BID: variants seen among roughly 807,000 people sequenced by gnomAD.
The protein encoded by BID is BH3 interacting domain death agonist.
A neutral mutation model predicts 17.4 loss-of-function variants in BID; 19 were observed. The observed-to-expected ratio is 1.09, with a 90% CI of 0.76 to 1.60. The LOEUF (loss-of-function observed/expected upper bound fraction) is 1.60, where lower values mean the gene tolerates loss of function less well. Among genes scored for constraint, BID ranks in the 40% most tolerant of loss-of-function variants. The pLI is 0.00. For synonymous variants in BID, 108 were observed against 102.8 expected (o/e 1.05, Z -0.31); for missense variants, 226 against 256.0 (o/e 0.88, Z 0.80).
intron 5 of BID, 50 bp downstream of exon 5, chr22:17,737,965 GAA>G: frequency 2.5e-6 from 4 of 1,595,000 alleles, no homozygotes; most frequent in Non-Finnish European, 3.4e-6. Context: ...ACCTTCCAGA[GAA>G]AAGGGCATGG....
chr22:17,772,440 T>C (rs979776369), intron 1 of BID, among the ~76,000 whole-genome samples: 1 of 152,182 alleles, frequency 6.6e-6, no homozygotes, highest in Non-Finnish European at 1.5e-5. Flanking sequence ...ACAGGAAGCA[T>C]TTCCAGAGGC....
chr22:17,765,624 G>C (rs2061672686), intron 1 of BID, among the ~76,000 whole-genome samples: 1 of 152,194 alleles, frequency 6.6e-6, no homozygotes, highest in South Asian at 2.1e-4. Context: ...TAAACCCGTA[G>C]AAGTTTAGGG....
chr22:17,753,261 C>T (rs111332597), intron 1 of BID, among the ~76,000 whole-genome samples: 14 of 152,308 alleles, frequency 9.2e-5, no homozygotes, highest in African/African-American at 3.4e-4. Flanking sequence ...CCACCGCGCC[C>T]AGCCCCCCAA....
At chr22:17,745,082 G>A (rs1868850749) in intron 2 of BID, among the ~76,000 whole-genome samples, 1 of 152,064 alleles carries the variant, frequency 6.6e-6, no homozygotes, top group African/African-American at 2.4e-5. Flanking sequence ...ATGGAGTCTC[G>A]CTCTGTCACC....
Position 17,750,131 on chromosome 22 carries a change from G to T in BID, c.-15C>A. ...TCACAGTCCATGGCCTGGGCAGCGC[G>T]GCAGCTCCGACTCACTCCTGGTTCA... On this transcript the variant is annotated 5_prime_UTR_variant, in exon 2 of 6. Coordinates refer to ENST00000622694, the MANE Select transcript of BID (RefSeq NM_001196.4). 6.2e-7 allele frequency: 1 copy of T among 1,613,338 alleles called. No individual in the cohort carries two copies. Among genetic ancestry groups the T allele is most frequent in the East Asian group, 2.2e-5 (1 of 44,872 alleles).
chr22:17,739,553 A>G (rs966464961), intron 3 of BID, 65 bp from the exon 4 acceptor site: 1 of 1,556,042 alleles, frequency 6.4e-7, no homozygotes, highest in Admixed American at 1.7e-5. Flanking sequence ...ACCCTCTCCC[A>G]CACCACCCTG....
intron 1 of BID, among the ~76,000 whole-genome samples, chr22:17,766,222 C>T (rs928103242): frequency 2.0e-5 from 3 of 151,846 alleles, no homozygotes; most frequent in African/African-American, 7.3e-5. Flanking sequence ...CTGCACCTGG[C>T]CTGAACTTAA....
intron 1 of BID, among the ~76,000 whole-genome samples, chr22:17,751,474 T>TGTGTGTGC (rs201482241): frequency 2.0e-5 from 3 of 151,886 alleles, no homozygotes; most frequent in African/African-American, 7.3e-5. Context: ...TGTGTGTGTG[T>TGTGTGTGC]GCGTGTGTGT....
At chr22:17,770,660 G>A (rs949652167) in intron 1 of BID, among the ~76,000 whole-genome samples, 13 of 152,264 alleles carry the variant, frequency 8.5e-5, no homozygotes, top group African/African-American at 2.9e-4. Context: ...CCGTGACGGC[G>A]GCGGGGAGGT....
At chr22:17,752,868 T>C (rs986024422) in intron 1 of BID, among the ~76,000 whole-genome samples, 1 of 151,742 alleles carries the variant, frequency 6.6e-6, no homozygotes, top group East Asian at 1.9e-4. Context: ...GGTTTCACCG[T>C]GTTAGCCAGG....
In BID at chr22:17,741,930, C is replaced by T. The variant is rs116764508; in HGVS notation, c.223+1873G>A. On this transcript the variant is annotated intron_variant, in intron 3 of 5. Transcript: ENST00000622694. Reference sequence around the variant, plus strand: ...CCTGATTCCCTGCAGAGCAGAGCACCCAGCTCCTCCAGCACCTCATCACTC... The same window carrying T: ...CCTGATTCCCTGCAGAGCAGAGCACTCAGCTCCTCCAGCACCTCATCACTC... 3.7e-3 allele frequency among the ~76,000 whole-genome samples: 571 copies of T among 152,340 alleles called. 4 individuals are homozygous for T. The highest frequency in any genetic ancestry group is 0.013 in the African/African-American group (542 of 41,570).
intron 3 of BID, chr22:17,740,105 C>T (rs1277414607): frequency 3.4e-6 from 4 of 1,165,140 alleles, no homozygotes; most frequent in African/African-American, 3.4e-5. Flanking sequence ...CCATGAAGGC[C>T]ACGCTCAACT....
intron 4 of BID, among the ~76,000 whole-genome samples, chr22:17,738,597 G>T (rs1192315434): frequency 6.6e-6 from 1 of 152,096 alleles, no homozygotes; most frequent in African/African-American, 2.4e-5. Flanking sequence ...CAGGAGGAAG[G>T]GGGTTCCTGG....
At chr22:17,763,448 T>TGG (rs1569052160) in intron 1 of BID, among the ~76,000 whole-genome samples, 1 of 152,174 alleles carries the variant, frequency 6.6e-6, no homozygotes, top group African/African-American at 2.4e-5. Flanking sequence ...TCCTCCGTGC[T>TGG]GGTCAAGCTG....
intron 5 of BID, among the ~76,000 whole-genome samples, chr22:17,737,492 G>GT (rs2061428590): frequency 6.6e-6 from 1 of 152,030 alleles, no homozygotes; most frequent in African/African-American, 2.4e-5. Flanking sequence ...GACTACAGGT[G>GT]TGCGCCACCA....
In BID at chr22:17,747,958, C is replaced by T. The variant is rs79153846; in HGVS notation, c.12+2147G>A. Among the ~76,000 whole-genome samples the T allele has an allele frequency of 4.6e-5, 7 of 152,204 alleles. 1 individual carries two copies. The highest frequency in any genetic ancestry group is 1.7e-4 in the African/African-American group (7 of 41,552). On this transcript the variant is annotated intron_variant, in intron 2 of 5. Coordinates refer to ENST00000622694, the MANE Select transcript of BID (RefSeq NM_001196.4). ...AGGTGCGGTGGCTCACGCCTGCAAT[C>T]CCAGCACTATGGGAGGCCGAGGCGG...
intron 1 of BID, among the ~76,000 whole-genome samples, chr22:17,765,947 G>C (rs2061675011): frequency 6.6e-6 from 1 of 152,136 alleles, no homozygotes; most frequent in Non-Finnish European, 1.5e-5. Flanking sequence ...ATTATTATTG[G>C]AGACAGGGTC....
Position 17,771,131 on chromosome 22 carries a change from G to A in BID, c.-59+3250C>T, listed in dbSNP as rs555165616. 1.6e-4 allele frequency among the ~76,000 whole-genome samples: 25 copies of A among 152,086 alleles called. No homozygotes were observed. The East Asian group carries it at 4.4e-3, about 27-fold the overall frequency. On this transcript the variant is annotated intron_variant, in intron 1 of 5. Transcript: ENST00000622694. ...CACTTTTTTTTTGAGACGGAGTCTC[G>A]CTCTGTCCCCCAGGCTGGAGTGCAG...
intron 2 of BID, among the ~76,000 whole-genome samples, chr22:17,745,304 A>G (rs562215350): frequency 1.7e-4 from 25 of 150,670 alleles, no homozygotes; most frequent in African/African-American, 5.9e-4. Context: ...CCGCCCCCCA[A>G]CTCCCCCCAA....
Sources: allele counts gnomAD v4.1 joint callset (sites outside exome capture counted in the v4.1 genomes callset), GRCh38; gene constraint gnomAD v4.1.1; transcripts MANE v1.5; gene names NCBI Gene and HGNC (gene_info 2026-07-23, HGNC 2026-07-21).